Variants in TRPM2 observed in about 807,000 individuals in gnomAD.
The protein encoded by TRPM2 is transient receptor potential cation channel subfamily M member 2, also known as estrogen-responsive element-associated gene 1 protein.
A neutral mutation model predicts 174.0 loss-of-function variants in TRPM2; 161 were observed. The ratio of observed to expected loss-of-function variants is 0.93; its 90% CI spans 0.81 to 1.05. The LOEUF is 1.05. TRPM2 is among the 50% of genes least tolerant of loss of function. TRPM2 has a pLI of 0.00. For missense variants in TRPM2, 2,057 were observed against 2,038.0 expected, an observed-to-expected ratio of 1.01 and a Z score of -0.18; for synonymous variants, 954 against 861.3, an observed-to-expected ratio of 1.11 and a Z score of -1.88.
chr21:44,372,812 T>C (rs2048577796), intron 5 of TRPM2, among the ~76,000 whole-genome samples: 1 of 152,190 alleles, frequency 6.6e-6, no homozygotes, highest in African/African-American at 2.4e-5. Context: ...GACCCCTCTG[T>C]GGCTTGGGCA....
In TRPM2 at chr21:44,354,676, A is replaced by G; in HGVS notation, c.194A>G (p.Glu65Gly). 6.2e-7 allele frequency: 1 copy of G among 1,614,228 alleles called. No homozygotes were observed. The highest frequency in any genetic ancestry group is 8.5e-7 in the Non-Finnish European group (1 of 1,180,038). ...GAAAGCCTCAGTTCGTGGATTCCTG[A>G]AAACATCAAGAAGAAAGAATGCGTG... Reference protein sequence around the residue: ...KQESLSSWIPENIKKKECVYF... With the variant: ...KQESLSSWIPGNIKKKECVYF... Residue 65 changes from glutamate to glycine, a missense_variant, in exon 2 of 32, where the codon GAA becomes GGA. Transcript: ENST00000397928. This position sits in a 1 kb window ranked among gnomAD's most constrained non-coding sequence, Gnocchi z 4.3.
intron 13 of TRPM2, among the ~76,000 whole-genome samples, chr21:44,398,246 G>C (rs1217338331): frequency 1.3e-5 from 2 of 149,318 alleles, no homozygotes; most frequent in Non-Finnish European, 1.5e-5. Flanking sequence ...TGTTGCCCAG[G>C]CTGGAGTGCA....
intron 19 of TRPM2, among the ~76,000 whole-genome samples, chr21:44,411,941 C>T (rs917894531): frequency 1.1e-4 from 17 of 152,176 alleles, no homozygotes; most frequent in African/African-American, 3.9e-4. Flanking sequence ...TCCTGGGACA[C>T]GTCCCACTTG....
intron 29 of TRPM2, among the ~76,000 whole-genome samples, chr21:44,437,697 C>T (rs934687050): frequency 6.6e-6 from 1 of 152,192 alleles, no homozygotes; most frequent in African/African-American, 2.4e-5. Context: ...GGCTGGAGCG[C>T]ACCCCAGCAT....
chr21:44,413,227 CTT>C (rs958225632), intron 19 of TRPM2, among the ~76,000 whole-genome samples: 32 of 116,236 alleles, frequency 2.8e-4, no homozygotes, highest in Middle Eastern at 4.7e-3. Flanking sequence ...CTTTTCAATT[CTT>C]TTTTTTTTTT....
chr21:44,367,076 C>A lies in TRPM2; in HGVS notation c.604+142C>A. 2.0e-6 allele frequency: 2 copies of A among 999,358 alleles called. No individual in the cohort carries two copies. Among genetic ancestry groups the A allele is most frequent in the Non-Finnish European group, 2.8e-6 (2 of 702,450 alleles). The allele number at this position is 999,358 out of a possible 1,614,324, so 61.9% of individuals were successfully genotyped here. A position where few individuals can be genotyped will look rare whatever the true frequency, so the allele number is the denominator to read the frequency against. On this transcript the variant is annotated intron_variant, in intron 4 of 31. Coordinates refer to ENST00000397928, the MANE Select transcript of TRPM2 (RefSeq NM_003307.4). This position sits in a 1 kb window ranked among gnomAD's most constrained non-coding sequence, Gnocchi z 4.6. ...TGCCCCAGCCTGAGTCGGACCCATG[C>A]ACCTCTCACCTGGGCACAGCTGCTC... is the stretch of plus-strand genomic sequence containing the variant.
chr21:44,400,276 G>T lies in TRPM2; in HGVS notation c.2226G>T (p.Val742=). Residue 742 remains valine, a synonymous_variant, in exon 15 of 32, where the codon GTG becomes GTT. Coordinates refer to ENST00000397928, the MANE Select transcript of TRPM2 (RefSeq NM_003307.4). ...ATCCGCAGGCCTTCCTGACCAAGGTGTGGTGGGGCCAGCTCTCCGTGGACA... is the reference window on the plus strand; with the variant it reads ...ATCCGCAGGCCTTCCTGACCAAGGTTTGGTGGGGCCAGCTCTCCGTGGACA... The part of the protein sequence containing the change: ...HGGIQAFLTK[V]WWGQLSVDNG... 1 of 1,612,674 alleles carries T rather than the reference G, an allele frequency of 6.2e-7. No homozygotes were observed. The highest frequency in any genetic ancestry group is 1.3e-5 in the African/African-American group (1 of 75,052).
chr21:44,429,809 G>C (rs893391464), intron 27 of TRPM2, among the ~76,000 whole-genome samples: 2 of 151,834 alleles, frequency 1.3e-5, no homozygotes, highest in South Asian at 2.1e-4. Context: ...TATTGTGCTG[G>C]GTAAATTCTT....
chr21:44,359,759 T>TA (rs1569012031), intron 2 of TRPM2, among the ~76,000 whole-genome samples: 5,062 of 147,946 alleles, frequency 0.034, 275 homozygotes, highest in African/African-American at 0.12. Context: ...ATATATATAT[T>TA]TTTTTTGAGA....
intron 17 of TRPM2, 114 bp downstream of exon 17, chr21:44,405,374 A>G: frequency 6.7e-7 from 1 of 1,483,716 alleles, no homozygotes; most frequent in Non-Finnish European, 9.1e-7. Context: ...TCGTCTGTGA[A>G]CCCTGGATTG....
intron 27 of TRPM2, among the ~76,000 whole-genome samples, chr21:44,430,096 C>T (rs896466075): frequency 2.0e-5 from 3 of 152,146 alleles, no homozygotes; most frequent in African/African-American, 7.2e-5. Context: ...TTGAGCCATC[C>T]TTGCATTCCT....
At position 44,439,131 on chromosome 21, in the gene TRPM2, G is replaced by A. The variant is rs200895364; in HGVS notation, c.4232G>A (p.Trp1411Ter). 178 of 1,613,658 alleles carry A rather than the reference G, an allele frequency of 1.1e-4. 1 individual carries two copies. Among genetic ancestry groups the A allele is most frequent in the Non-Finnish European group, 1.4e-4 (165 of 1,179,892 alleles). ...AAGCGGATCCTCCGGCAGGAGCACT[G>A]GCCGTCTTTTGAAAACTTGCTGAAG... ...KLKRILRQEH[W>*]PSFENLLKCG... Residue 1411 changes from tryptophan (W) to a stop codon, truncating the protein, a stop_gained, in exon 30 of 32, where the codon TGG becomes TAG. Transcript: ENST00000397928. LOFTEE classifies it high-confidence loss of function. The surrounding 1 kb of genome is among the most constrained non-coding windows in gnomAD (Gnocchi z 5.1).
chr21:44,379,187 G>A lies in TRPM2; in HGVS notation c.1205G>A (p.Trp402Ter), dbSNP rs1280816156. 1 of 1,612,862 alleles carries A rather than the reference G, an allele frequency of 6.2e-7. No homozygotes were observed. Among genetic ancestry groups the A allele is most frequent in the Non-Finnish European group, 8.5e-7 (1 of 1,179,998 alleles). The change falls in exon 8 of 32, where the codon TGG (tryptophan) becomes TAG (stop). Residue 402 changes from tryptophan to a stop codon, truncating the protein, a stop_gained. Coordinates refer to ENST00000397928, the MANE Select transcript of TRPM2 (RefSeq NM_003307.4). LOFTEE classifies it high-confidence loss of function. ...TTCACGGAAAGCAGGATTGTCGAGT[G>A]GACCAAAAAGGTGAGGCTGACGGGC... ...ETFTESRIVE[W>*]TKKIQDIVRR... is the part of the protein sequence containing the mutation.
chr21:44,353,571 C>A, upstream of TRPM2: 1 of 1,203,648 alleles, frequency 8.3e-7, no homozygotes, highest in Non-Finnish European at 1.1e-6. Context: ...AGAACATCAG[C>A]CTCATCTTCC....
intron 9 of TRPM2, among the ~76,000 whole-genome samples, chr21:44,389,602 C>A (rs1208580597): frequency 6.6e-6 from 1 of 152,174 alleles, no homozygotes; most frequent in African/African-American, 2.4e-5. Flanking sequence ...TGTGAAGTGA[C>A]ATCTCATTGT....
intron 19 of TRPM2, among the ~76,000 whole-genome samples, chr21:44,407,950 G>A (rs2049962258): frequency 6.6e-6 from 1 of 150,500 alleles, no homozygotes; most frequent in Non-Finnish European, 1.5e-5. Flanking sequence ...TTCCCCTAGA[G>A]GGAGTCTCGC....
rs2049576562 is a variant in TRPM2 at position 44,400,373 on chromosome 21, TGCTGCAGGGCTGCGGG to T, written c.2321+8_2321+23del. 2 of 1,609,574 alleles carry T rather than the reference TGCTGCAGGGCTGCGGG, an allele frequency of 1.2e-6. No homozygotes were observed. The highest frequency in any genetic ancestry group is 2.2e-5 in the South Asian group (2 of 90,838). ...CCTCACCGGCCTCATCTCCTTCAGGTGCTGCAGGGCTGCGGGGCTGCGGGACTGTGGGGCTGCGGGG... is the reference window on the plus strand; with the variant it reads ...CCTCACCGGCCTCATCTCCTTCAGGTGCTGCGGGACTGTGGGGCTGCGGGG... On this transcript the variant is annotated splice_donor_5th_base_variant and intron_variant, in intron 15 of 31. Transcript: ENST00000397928.
intron 31 of TRPM2, among the ~76,000 whole-genome samples, chr21:44,441,362 T>C (rs1218853256): frequency 6.6e-6 from 1 of 152,200 alleles, no homozygotes; most frequent in Non-Finnish European, 1.5e-5. Context: ...TTTAGCTCTT[T>C]ATGGGGATGT....
chr21:44,415,292 A>T (rs191057871), intron 20 of TRPM2: 1 of 152,382 alleles, frequency 6.6e-6, no homozygotes, highest in African/African-American at 2.4e-5. Flanking sequence ...CCTATGTGGC[A>T]AAAGGGACTG....
Sources: gnomAD v4.1 joint callset for allele counts (sites outside exome capture counted in the v4.1 genomes callset) on GRCh38, gnomAD v4.1.1 for gene constraint, Gnocchi (gnomAD v3.1) non-coding constraint, MANE v1.5 for transcripts, NCBI Gene and HGNC (gene_info 2026-07-23, HGNC 2026-07-21) for gene names.